The following N4BP2 variants were observed in gnomAD, a reference collection of about 807,000 sequenced individuals.
N4BP2 encodes the protein NEDD4 binding protein 2.
In N4BP2, 91 loss-of-function variants were observed where a neutral mutation model predicts 152.8. The ratio of observed to expected loss-of-function variants is 0.60; its 90% CI spans 0.50 to 0.71. N4BP2 has a LOEUF of 0.71. Among genes scored for constraint, N4BP2 ranks in the 30% least tolerant of loss-of-function variants. The probability of loss-of-function intolerance (pLI) is 0.00; values close to 1 mark genes in which losing one functional copy is unlikely to be tolerated. For synonymous variants in N4BP2, 646 were observed against 705.3 expected (o/e 0.92, Z 1.33); for missense variants, 1,923 against 2,059.1 (o/e 0.93, Z 1.28).
intron 16 of N4BP2, among the ~76,000 whole-genome samples, chr4:40,151,726 C>T (rs1721171015): frequency 6.6e-6 from 1 of 152,192 alleles, no homozygotes; most frequent in African/African-American, 2.4e-5. Flanking sequence ...GAAGCTAGCA[C>T]TCAGTTGAAT....
At chr4:40,066,927 A>G (rs1309987595) in intron 1 of N4BP2, among the ~76,000 whole-genome samples, 2 of 152,108 alleles carry the variant, frequency 1.3e-5, no homozygotes, top group Non-Finnish European at 2.9e-5. Context: ...CTACTTGTAG[A>G]TACCGCATAT....
rs1717971067 is a variant in N4BP2 at position 40,121,977 on chromosome 4, A to G, written c.3866A>G (p.Asn1289Ser). The G allele has an allele frequency of 1.3e-6, 2 of 1,553,996 alleles. No individual in the cohort carries two copies. Among genetic ancestry groups the G allele is most frequent in the African/African-American group, 1.4e-5 (1 of 72,206 alleles). ...HSPSHFSDIF[N>S]FVSSTSNLEL... ...CCTTCACATTTCTCTGATATTTTTA[A>G]CTTTGTATCTAGTACTTCAAATCTT... Residue 1289 changes from asparagine to serine, a missense_variant, in exon 9 of 18, where the codon AAC becomes AGC. Coordinates refer to ENST00000261435, the MANE Select transcript of N4BP2 (RefSeq NM_018177.6).
intron 17 of N4BP2, 103 bp downstream of exon 17, chr4:40,153,006 C>G: frequency 9.4e-7 from 1 of 1,065,780 alleles, no homozygotes; most frequent in Non-Finnish European, 1.4e-6. Context: ...AGCAATAGCC[C>G]TAATATAGCT....
intron 16 of N4BP2, among the ~76,000 whole-genome samples, chr4:40,150,483 A>C (rs28622271): frequency 4.9e-4 from 74 of 152,242 alleles, no homozygotes; most frequent in African/African-American, 1.8e-3. Flanking sequence ...CCTGGCCAAC[A>C]TGGTGAAACC....
chr4:40,079,621 C>T (rs1323303572), intron 2 of N4BP2, among the ~76,000 whole-genome samples: 4 of 151,990 alleles, frequency 2.6e-5, no homozygotes, highest in Admixed American at 2.6e-4. Context: ...TTTAAGTGAA[C>T]ATATGTCCTT....
chr4:40,095,194 C>CT (rs1714998588), intron 2 of N4BP2, among the ~76,000 whole-genome samples: 2 of 152,084 alleles, frequency 1.3e-5, no homozygotes, highest in South Asian at 4.1e-4. Flanking sequence ...AGCAATTCTG[C>CT]TTCAGCCTCC....
In N4BP2 at chr4:40,156,631, TAA is replaced by T. The variant is rs1200226881; in HGVS notation, c.*2397_*2398del. 1.3e-5 allele frequency: 2 copies of T among 152,262 alleles called. No individual in the cohort carries two copies. The highest frequency in any genetic ancestry group is 3.9e-4 in the East Asian group (2 of 5,190). 9.4% of individuals were successfully genotyped at this position (152,262 alleles called of 1,614,324 possible). On this transcript the variant is annotated 3_prime_UTR_variant, in exon 18 of 18. Coordinates refer to ENST00000261435, the MANE Select transcript of N4BP2 (RefSeq NM_018177.6). Reference sequence around the variant, plus strand: ...CGCAGTAAAGATAGTTTGGGGATTTTAAAAGTTTTCTCTATTACCCATTTCTA... The same window carrying T: ...CGCAGTAAAGATAGTTTGGGGATTTTAAGTTTTCTCTATTACCCATTTCTA...
intron 1 of N4BP2, 156 bp downstream of exon 1, chr4:40,057,186 GC>G (rs1325018232): frequency 6.6e-6 from 1 of 152,278 alleles, no homozygotes; most frequent in Non-Finnish European, 1.5e-5. Flanking sequence ...CCCGGCGCGG[GC>G]CGCCTCCGAT....
chr4:40,140,766 T>C (rs1158073519), intron 14 of N4BP2, among the ~76,000 whole-genome samples: 2 of 151,956 alleles, frequency 1.3e-5, no homozygotes, highest in Non-Finnish European at 2.9e-5. Flanking sequence ...CCCTGGGCAC[T>C]TGAGATTAGG....
At chr4:40,109,008 G>C (rs182928426) in intron 5 of N4BP2, among the ~76,000 whole-genome samples, 1 of 151,872 alleles carries the variant, frequency 6.6e-6, no homozygotes, top group East Asian at 2.0e-4. Flanking sequence ...GTAGAGACAG[G>C]GTTTCACCAT....
intron 2 of N4BP2, among the ~76,000 whole-genome samples, chr4:40,085,900 C>G (rs192888636): frequency 2.0e-4 from 31 of 152,080 alleles, no homozygotes; most frequent in African/African-American, 7.2e-4. Context: ...GCTGCTCACA[C>G]CTGTAATCCC....
the N4BP2 span, among the ~76,000 whole-genome samples, chr4:40,179,351 C>T: frequency 1.3e-5 from 2 of 152,182 alleles, no homozygotes; most frequent in Non-Finnish European, 2.9e-5. Flanking sequence ...GCCTGGGCGA[C>T]AGAGTGAGAC....
chr4:40,150,329 T>A (rs918542850), intron 16 of N4BP2, among the ~76,000 whole-genome samples: 1 of 152,132 alleles, frequency 6.6e-6, no homozygotes, highest in Non-Finnish European at 1.5e-5. Flanking sequence ...AGGAACATGT[T>A]AAACAACACC....
chr4:40,073,083 A>G (rs1671336263), intron 1 of N4BP2, among the ~76,000 whole-genome samples: 1 of 152,176 alleles, frequency 6.6e-6, no homozygotes, highest in African/African-American at 2.4e-5. Context: ...ATTCTTGATT[A>G]GCTATTTAAT....
rs1466316832 is a variant in N4BP2 at position 40,116,852 on chromosome 4, A to G, written c.1665-1017A>G. Among the ~76,000 whole-genome samples, 4 of 152,162 alleles carry G rather than the reference A, an allele frequency of 2.6e-5. No homozygotes were observed. The East Asian group carries it at 5.8e-4, about 22-fold the overall frequency. On this transcript the variant is annotated intron_variant, in intron 7 of 17. Transcript: ENST00000261435. ...TACTTTTGCTGGATATGTATATTCT[A>G]TACTGACAGTTATTTTCTGTTGTTG...
chr4:40,103,136 G>A lies in N4BP2; in HGVS notation c.1291G>A (p.Val431Ile). ...ACAAGAAACCCCAGTTTCTCAGGTT[G>A]TAAGAAAGAAGACATCTTACGTTGG... Reference protein sequence around the residue: ...QVQETPVSQVVRKKTSYVGLV... With the variant: ...QVQETPVSQVIRKKTSYVGLV... The change falls in exon 4 of 18, where the codon GTA becomes ATA. Residue 431 changes from valine (V) to isoleucine (I), a missense_variant. Transcript: ENST00000261435. The A allele has an allele frequency of 1.9e-6, 3 of 1,614,180 alleles. No homozygotes were observed. The highest frequency in any genetic ancestry group is 2.5e-6 in the Non-Finnish European group (3 of 1,180,010).
chr4:40,101,303 T>A (rs991293996), intron 3 of N4BP2, among the ~76,000 whole-genome samples: 3 of 152,122 alleles, frequency 2.0e-5, no homozygotes, highest in African/African-American at 7.2e-5. Context: ...ATTACAGGCA[T>A]GCGCCGCCAC....
At chr4:40,176,904 G>C in the N4BP2 span, among the ~76,000 whole-genome samples, 1 of 152,158 alleles carries the variant, frequency 6.6e-6, no homozygotes, top group East Asian at 1.9e-4. Flanking sequence ...CTGGCCTTTC[G>C]GGGGATCCCT....
At chr4:40,092,648 T>TC (rs1368568492) in intron 2 of N4BP2, among the ~76,000 whole-genome samples, 1 of 146,984 alleles carries the variant, frequency 6.8e-6, no homozygotes, top group African/African-American at 2.5e-5. Context: ...TTATTTCCTT[T>TC]TTTTTTTTTT....
Sources: allele counts gnomAD v4.1 joint callset (sites outside exome capture counted in the v4.1 genomes callset), GRCh38; gene constraint gnomAD v4.1.1; transcripts MANE v1.5; gene names NCBI Gene and HGNC (gene_info 2026-07-23, HGNC 2026-07-21).